The following TWSG1 variants were observed in gnomAD, a reference collection of about 807,000 sequenced individuals.
TWSG1 encodes the protein twisted gastrulation protein homolog 1.
TWSG1 carries 15 observed loss-of-function variants against 23.0 expected under a neutral mutation model. That is an observed-to-expected ratio of 0.65 (90% CI 0.44 to 1.00). The LOEUF (loss-of-function observed/expected upper bound fraction) is 1.00. Ranked by LOEUF, TWSG1 falls within the 50% of genes least tolerant of loss-of-function variation. The pLI, the probability that TWSG1 is intolerant of heterozygous loss-of-function variation, is 0.00. For missense variants in TWSG1, 242 were observed against 278.7 expected (o/e 0.87, Z 0.94); for synonymous variants, 86 against 92.8 (o/e 0.93, Z 0.42).
In TWSG1 at chr18:9,399,533, A is replaced by T; in HGVS notation, c.*6A>T. The stretch of plus-strand genomic sequence containing the variant: ...GTATGAACTGCATGTTTTAAAGAAG[A>T]CAAATGCAAACCAAAGCAACTTAGT... On this transcript the variant is annotated 3_prime_UTR_variant, in exon 5 of 5. Coordinates refer to ENST00000262120, the MANE Select transcript of TWSG1 (RefSeq NM_020648.6). 6.3e-7 allele frequency: 1 copy of T among 1,595,658 alleles called. No homozygotes were observed. The highest frequency in any genetic ancestry group is 8.5e-7 in the Non-Finnish European group (1 of 1,173,100).
At chr18:9,358,989 G>A (rs1168273621) in intron 2 of TWSG1, among the ~76,000 whole-genome samples, 1 of 152,168 alleles carries the variant, frequency 6.6e-6, no homozygotes, top group Non-Finnish European at 1.5e-5. Flanking sequence ...GGGGAGGGCA[G>A]GGGCAAGTGC....
chr18:9,398,399 A>G (rs2145638569), intron 4 of TWSG1, among the ~76,000 whole-genome samples: 1 of 152,280 alleles, frequency 6.6e-6, no homozygotes, highest in Admixed American at 6.5e-5. Context: ...CTATTCCCCC[A>G]GATAGAGTCA....
intron 2 of TWSG1, among the ~76,000 whole-genome samples, chr18:9,357,024 A>G (rs1308927401): frequency 6.6e-6 from 1 of 150,668 alleles, no homozygotes; most frequent in East Asian, 1.9e-4. Flanking sequence ...TGGTGTTTCT[A>G]AAAAGTGCGT....
At chr18:9,348,063 T>C (rs940168155) in intron 2 of TWSG1, among the ~76,000 whole-genome samples, 1 of 152,240 alleles carries the variant, frequency 6.6e-6, no homozygotes, top group African/African-American at 2.4e-5. Context: ...GGGAGATCCA[T>C]GTATTTAGAT....
At position 9,352,993 on chromosome 18, in the gene TWSG1, T is replaced by C. The variant is rs373857742; in HGVS notation, c.124-6979T>C. ...TGATGGTGGTCACATAAGATTATAA[T>C]ACTGTATTTTTATTGTACCTTTTCT... is the stretch of plus-strand genomic sequence containing the variant. On this transcript the variant is annotated intron_variant, in intron 2 of 4. Coordinates refer to ENST00000262120, the MANE Select transcript of TWSG1 (RefSeq NM_020648.6). Among the ~76,000 whole-genome samples the C allele has an allele frequency of 4.1e-4, 63 of 152,382 alleles. 1 individual carries two copies. The South Asian group carries it at 8.7e-3, about 21-fold the overall frequency.
chr18:9,338,933 C>T (rs1196528815), intron 2 of TWSG1, among the ~76,000 whole-genome samples: 2 of 152,224 alleles, frequency 1.3e-5, no homozygotes, highest in African/African-American at 2.4e-5. Context: ...CACAGTGGCT[C>T]ATGCCTCGTA....
intron 2 of TWSG1, among the ~76,000 whole-genome samples, chr18:9,347,900 T>C (rs2145596491): frequency 6.6e-6 from 1 of 152,260 alleles, no homozygotes; most frequent in South Asian, 2.1e-4. Flanking sequence ...GTGGAGGAGG[T>C]GTGTGTCCCC....
chr18:9,364,869 A>G lies in TWSG1; in HGVS notation c.223+4798A>G, dbSNP rs149789129. Reference sequence around the variant, plus strand: ...TTTTATCATTACTTCTGCAGTTATTAGCTGGAATTTTTCTGTATAATGTAA... The same window carrying G: ...TTTTATCATTACTTCTGCAGTTATTGGCTGGAATTTTTCTGTATAATGTAA... On this transcript the variant is annotated intron_variant, in intron 3 of 4. Coordinates refer to ENST00000262120, the MANE Select transcript of TWSG1 (RefSeq NM_020648.6). Among the ~76,000 whole-genome samples, 898 of 152,330 alleles carry G rather than the reference A, an allele frequency of 5.9e-3. 2 individuals carry two copies. The highest frequency in any genetic ancestry group is 0.018 in the South Asian group (85 of 4,830).
At chr18:9,391,658 A>G (rs1412218005) in intron 3 of TWSG1, among the ~76,000 whole-genome samples, 11 of 152,240 alleles carry the variant, frequency 7.2e-5, no homozygotes, top group Admixed American at 4.6e-4. Flanking sequence ...TAATAATGAA[A>G]TGTTTGAAAT....
intron 2 of TWSG1, among the ~76,000 whole-genome samples, chr18:9,345,232 C>T (rs983575660): frequency 6.6e-6 from 1 of 152,196 alleles, no homozygotes; most frequent in African/African-American, 2.4e-5. Context: ...AAAAGTTTTA[C>T]ATTTTAATGA....
chr18:9,379,244 G>C (rs1165281885), intron 3 of TWSG1, among the ~76,000 whole-genome samples: 2 of 152,142 alleles, frequency 1.3e-5, no homozygotes, highest in African/African-American at 4.8e-5. Context: ...GTTCACAATA[G>C]CAAAGACATG....
intron 3 of TWSG1, among the ~76,000 whole-genome samples, chr18:9,366,293 A>T (rs146932446): frequency 3.3e-4 from 50 of 152,274 alleles, no homozygotes; most frequent in African/African-American, 1.2e-3. Context: ...CAACTCATAG[A>T]TCCTAGATGT....
At position 9,401,667 on chromosome 18, in the gene TWSG1, C is replaced by T. The variant is rs2040763382; in HGVS notation, c.*2140C>T. The T allele has an allele frequency of 1.3e-5, 2 of 152,028 alleles. No homozygotes were observed. Among genetic ancestry groups the T allele is most frequent in the Admixed American group, 6.6e-5 (1 of 15,250 alleles). The allele number at this position is 152,028 out of a possible 1,614,324, so 9.4% of individuals were successfully genotyped here. On this transcript the variant is annotated 3_prime_UTR_variant, in exon 5 of 5. Coordinates refer to ENST00000262120, the MANE Select transcript of TWSG1 (RefSeq NM_020648.6). ...ATGAGGGTTTGAAAGAAAGAATTCA[C>T]CTAAAAGATTCCATTTCCAGTTTTA... is the stretch of plus-strand genomic sequence containing the variant.
At chr18:9,398,115 T>C (rs1001769367) in intron 4 of TWSG1, among the ~76,000 whole-genome samples, 2 of 152,096 alleles carry the variant, frequency 1.3e-5, no homozygotes, top group South Asian at 4.1e-4. Flanking sequence ...AGATTTCTTA[T>C]TCCCTTTTAG....
At chr18:9,366,584 G>A (rs982682029) in intron 3 of TWSG1, among the ~76,000 whole-genome samples, 1 of 152,190 alleles carries the variant, frequency 6.6e-6, no homozygotes, top group African/African-American at 2.4e-5. Context: ...GGAACATCCA[G>A]GTTTTTCGTT....
At chr18:9,382,814 A>AAAAAACAAAAAC (rs71168052) in intron 3 of TWSG1, among the ~76,000 whole-genome samples, 14 of 137,082 alleles carry the variant, frequency 1.0e-4, no homozygotes, top group Non-Finnish European at 1.8e-4. Flanking sequence ...CTCAAAAAAA[A>AAAAAACAAAAAC]AAAAACAAAA....
Position 9,371,297 on chromosome 18 carries a change from CTTT to C in TWSG1, c.223+11241_223+11243del, listed in dbSNP as rs758891489. On this transcript the variant is annotated intron_variant, in intron 3 of 4. Coordinates refer to ENST00000262120, the MANE Select transcript of TWSG1 (RefSeq NM_020648.6). ...CTGATTTAAAGGATTTTAGAAATCA[CTTT>C]TTTTTTTTTTTTTTGAGATGGAGTC... Among the ~76,000 whole-genome samples the C allele has an allele frequency of 6.8e-3, 941 of 138,404 alleles. 6 individuals carry two copies. Among genetic ancestry groups the C allele is most frequent in the African/African-American group, 0.023 (859 of 37,668 alleles). 90.8% of individuals were successfully genotyped at this position (138,404 alleles called of 152,430 possible).
At chr18:9,338,619 C>A (rs565249652) in intron 2 of TWSG1, among the ~76,000 whole-genome samples, 1 of 152,312 alleles carries the variant, frequency 6.6e-6, no homozygotes, top group South Asian at 2.1e-4. Flanking sequence ...AACACTAATT[C>A]TTTAATCACC....
chr18:9,394,386 A>G (rs932125737), intron 3 of TWSG1, among the ~76,000 whole-genome samples: 18 of 152,210 alleles, frequency 1.2e-4, no homozygotes, highest in Middle Eastern at 3.2e-3. Flanking sequence ...AAAAAGTAGA[A>G]CGGAGGATGG....
Sources: gnomAD v4.1 joint callset for allele counts (sites outside exome capture counted in the v4.1 genomes callset) on GRCh38, gnomAD v4.1.1 for gene constraint, MANE v1.5 for transcripts, NCBI Gene and HGNC (gene_info 2026-07-23, HGNC 2026-07-21) for gene names.